AAK1: variants seen among roughly 807,000 people sequenced by gnomAD.
AAK1 encodes the protein AP2 associated kinase 1, also known as AP2-associated protein kinase 1.
Under a neutral mutation model 116.0 loss-of-function variants are expected in AAK1, and 37 were observed. That is an observed-to-expected ratio of 0.32 (90% CI 0.25 to 0.42). AAK1 has a LOEUF of 0.42. Ranked by LOEUF, AAK1 falls within the 10% of genes least tolerant of loss-of-function variation. The pLI, the probability that AAK1 is intolerant of heterozygous loss-of-function variation, is 1.00. For missense variants in AAK1, 919 were observed against 1,170.6 expected, an observed-to-expected ratio of 0.79 and a Z score of 3.14; for synonymous variants, 458 against 439.9, an observed-to-expected ratio of 1.04 and a Z score of -0.51.
intron 3 of AAK1, among the ~76,000 whole-genome samples, chr2:69,551,333 C>T (rs893093434): frequency 4.6e-5 from 7 of 152,094 alleles, no homozygotes; most frequent in Non-Finnish European, 7.4e-5. Flanking sequence ...CAGCAAACCA[C>T]CATGGCACAC....
chr2:69,469,628 G>A lies in AAK1; in HGVS notation c.*6241C>T. ...TAGAGCTCAGTAAACACTGCCTGTT[G>A]TACCTCAGGGGCTAAAGCCCAGGGC... On this transcript the variant is annotated 3_prime_UTR_variant, in exon 22 of 22. Transcript: ENST00000409085. 1 of 985,444 alleles carries A rather than the reference G, an allele frequency of 1.0e-6. No individual in the cohort carries two copies. Among genetic ancestry groups the A allele is most frequent in the Middle Eastern group, 5.2e-4 (1 of 1,914 alleles). The allele number at this position is 985,444 out of a possible 1,614,324, so 61.0% of individuals were successfully genotyped here. A position where few individuals can be genotyped will look rare whatever the true frequency, so the allele number is the denominator to read the frequency against.
In AAK1 at chr2:69,532,009, G is replaced by C. The variant is rs1432538280; in HGVS notation, c.656+32C>G. The C allele has an allele frequency of 2.5e-6, 4 of 1,610,574 alleles. No homozygotes were observed. The Admixed American group carries it at 6.7e-5, about 27-fold the overall frequency. ...AGGTAAAGTTGCTCATCTGATTGTG[G>C]ACAAAACTCCATGAAAGGAGAAAAA... On this transcript the variant is annotated intron_variant, in intron 6 of 21. Transcript: ENST00000409085.
At chr2:69,484,639 CA>C (rs1274558685) in intron 17 of AAK1, among the ~76,000 whole-genome samples, 2 of 152,018 alleles carry the variant, frequency 1.3e-5, no homozygotes, top group South Asian at 2.1e-4. Context: ...ACTTAAAATA[CA>C]AAAATTAGCC....
At chr2:69,482,425 ATTT>A in intron 18 of AAK1, 1 of 599,334 alleles carries the variant, frequency 1.7e-6, no homozygotes, top group South Asian at 2.2e-5. Flanking sequence ...TTAGAAACCA[ATTT>A]TTTAAAGTTC....
chr2:69,509,538 C>A, intron 13 of AAK1, 78 bp from the exon 14 acceptor site: 2 of 1,238,698 alleles, frequency 1.6e-6, no homozygotes, highest in Non-Finnish European at 2.2e-6. Flanking sequence ...ATAAGTGTAA[C>A]AACAACAACA....
rs1392138048 is a variant in AAK1, at chr2:69,474,434, C to A, written c.*1435G>T. The A allele has an allele frequency of 1.0e-6, 1 of 985,484 alleles. No homozygotes were observed. The highest frequency in any genetic ancestry group is 1.2e-6 in the Non-Finnish European group (1 of 829,924). 61.0% of individuals were successfully genotyped at this position (985,484 alleles called of 1,614,324 possible). Reference sequence around the variant, plus strand: ...TAAAATACACTTTAATGAGTAAGTACATATAGAGAGGGTGACCATGAGGCA... The same window carrying A: ...TAAAATACACTTTAATGAGTAAGTAAATATAGAGAGGGTGACCATGAGGCA... On this transcript the variant is annotated 3_prime_UTR_variant, in exon 22 of 22. Transcript: ENST00000409085.
At chr2:69,492,667 C>T (rs1002424452) in intron 17 of AAK1, among the ~76,000 whole-genome samples, 16 of 151,618 alleles carry the variant, frequency 1.1e-4, no homozygotes, top group African/African-American at 2.2e-4. Context: ...CAAGTACAGG[C>T]GCATGCCACC....
intron 2 of AAK1, among the ~76,000 whole-genome samples, chr2:69,584,248 C>T (rs1272740542): frequency 2.0e-5 from 3 of 152,228 alleles, no homozygotes; most frequent in African/African-American, 7.2e-5. Context: ...GCAGGCGTGA[C>T]TCCTAAGCAG....
intron 2 of AAK1, among the ~76,000 whole-genome samples, chr2:69,639,059 G>T (rs1675580226): frequency 6.6e-6 from 1 of 152,160 alleles, no homozygotes; most frequent in African/African-American, 2.4e-5. Context: ...TTGCTCTGTA[G>T]GTAGGAGAAA....
At chr2:69,597,752 T>C (rs1673365399) in intron 2 of AAK1, 2 of 153,380 alleles carry the variant, frequency 1.3e-5, no homozygotes, top group Admixed American at 1.3e-4. Context: ...CATGGTGGCA[T>C]GCACCACTAG....
chr2:69,477,124 G>C (rs1674884915), intron 20 of AAK1, 134 bp from the exon 21 acceptor site: 1 of 547,588 alleles, frequency 1.8e-6, no homozygotes, highest in African/African-American at 1.9e-5. Context: ...TTATCTTTCT[G>C]AGTTGAAATA....
chr2:69,513,178 C>T (rs112154755), intron 13 of AAK1, among the ~76,000 whole-genome samples: 17 of 152,200 alleles, frequency 1.1e-4, no homozygotes, highest in African/African-American at 3.4e-4. Flanking sequence ...GTTTTAGAAA[C>T]GAAGGTGTAA....
intron 2 of AAK1, among the ~76,000 whole-genome samples, chr2:69,572,919 G>C (rs891349486): frequency 6.6e-6 from 1 of 152,112 alleles, no homozygotes; most frequent in Admixed American, 6.5e-5. Context: ...GTCAGTTTCT[G>C]GCTCTCAGTG....
rs763348859 is a variant in AAK1 at position 69,514,535 on chromosome 2, G to A, written c.1712C>T (p.Ala571Val). 11 of 1,552,030 alleles carry A rather than the reference G, an allele frequency of 7.1e-6. No homozygotes were observed. The highest frequency in any genetic ancestry group is 5.5e-5 in the African/African-American group (4 of 73,072). ...AALQQKPTMAAGQQPQPQPAA... is the reference protein window; with the variant it reads ...AALQQKPTMAVGQQPQPQPAA... ...TGGCTGTGGCTGGGGCTGCTGTCCTGCTGCCATAGTGGGCTTTTGCTGCAA... is the reference window on the plus strand; with the variant it reads ...TGGCTGTGGCTGGGGCTGCTGTCCTACTGCCATAGTGGGCTTTTGCTGCAA... Residue 571 changes from alanine to valine, a missense_variant, in exon 13 of 22, where the codon GCA becomes GTA. Ala to Val is a moderately conservative substitution (Grantham distance 64, BLOSUM62 0). This residue lies in a region of AAK1 where 214 missense variants were observed against 210.6 expected (regional missense o/e 1.02). Transcript: ENST00000409085.
chr2:69,476,033 A>G, intron 21 of AAK1, 70 bp from the exon 22 acceptor site: 1 of 1,503,690 alleles, frequency 6.7e-7, no homozygotes, highest in Non-Finnish European at 8.9e-7. Context: ...AGAGCAAGCA[A>G]AGAAGAAAAA....
chr2:69,638,660 A>G (rs1291549748), intron 2 of AAK1, among the ~76,000 whole-genome samples: 1 of 152,192 alleles, frequency 6.6e-6, no homozygotes, highest in Non-Finnish European at 1.5e-5. Flanking sequence ...CTCAAAATTT[A>G]TCATGCTGTT....
At chr2:69,543,223 G>C (rs1431259201) in intron 4 of AAK1, among the ~76,000 whole-genome samples, 1 of 152,122 alleles carries the variant, frequency 6.6e-6, no homozygotes, top group Non-Finnish European at 1.5e-5. Flanking sequence ...CCAGATGCCT[G>C]GATGCTCCTA....
At chr2:69,631,360 A>T (rs748057150) in intron 2 of AAK1, among the ~76,000 whole-genome samples, 1 of 152,266 alleles carries the variant, frequency 6.6e-6, no homozygotes, top group Non-Finnish European at 1.5e-5. Flanking sequence ...GATGACAGGC[A>T]TCATTATTTA....
intron 3 of AAK1, among the ~76,000 whole-genome samples, chr2:69,550,511 G>A (rs535119092): frequency 1.3e-5 from 2 of 151,970 alleles, no homozygotes; most frequent in Non-Finnish European, 2.9e-5. Context: ...CACCATGTTG[G>A]CCAGGATGGT....
Sources: gnomAD v4.1 joint callset for allele counts (sites outside exome capture counted in the v4.1 genomes callset) on GRCh38, gnomAD v4.1.1 for gene constraint, gnomAD v4.1.1 regional missense constraint, MANE v1.5 for transcripts, NCBI Gene and HGNC (gene_info 2026-07-23, HGNC 2026-07-21) for gene names.